Variants in NIPAL3 observed in about 807,000 individuals in gnomAD.
NIPAL3 encodes the protein NIPA like domain containing 3.
A neutral mutation model predicts 47.2 loss-of-function variants in NIPAL3; 41 were observed. That is an observed-to-expected ratio of 0.87 (90% CI 0.68 to 1.13). The LOEUF is 1.13. NIPAL3 is among the 50% of genes most tolerant of loss of function. The pLI is 0.00. For missense variants in NIPAL3, 449 were observed against 530.1 expected, an observed-to-expected ratio of 0.85 and a Z score of 1.50; for synonymous variants, 194 against 209.6, an observed-to-expected ratio of 0.93 and a Z score of 0.64.
chr1:24,472,542 G>C lies in NIPAL3; in HGVS notation c.*3357G>C, dbSNP rs1172887395. On this transcript the variant is annotated 3_prime_UTR_variant, in exon 12 of 12. Transcript: ENST00000374399. The stretch of plus-strand genomic sequence containing the variant: ...CTTTTGAGCAGCCCAGGTACCTAAA[G>C]CAAGGTCACCAAACTTGGGTTTAAA... 1 of 152,216 alleles carries C rather than the reference G, an allele frequency of 6.6e-6. No homozygotes were observed. The highest frequency in any genetic ancestry group is 2.4e-5 in the African/African-American group (1 of 41,450). 9.4% of individuals were successfully genotyped at this position (152,216 alleles called of 1,614,324 possible).
At position 24,469,425 on chromosome 1, in the gene NIPAL3, C is replaced by T; in HGVS notation, c.*240C>T. ...GGACGGGATAGAATCCAGCCTCTGC[C>T]TGGATTAGCCCAGGGGGATTTGGAA... On this transcript the variant is annotated 3_prime_UTR_variant, in exon 12 of 12. Coordinates refer to ENST00000374399, the MANE Select transcript of NIPAL3 (RefSeq NM_020448.5). The T allele has an allele frequency of 2.1e-6, 1 of 479,908 alleles. No individual in the cohort carries two copies. The highest frequency in any genetic ancestry group is 3.3e-5 in the East Asian group (1 of 29,902). 29.7% of individuals were successfully genotyped at this position (479,908 alleles called of 1,614,324 possible). A position where few individuals can be genotyped will look rare whatever the true frequency, so the allele number is the denominator to read the frequency against.
At chr1:24,463,864 T>C (rs1445769661) in intron 10 of NIPAL3, among the ~76,000 whole-genome samples, 162 bp from the exon 11 acceptor site, 1 of 152,004 alleles carries the variant, frequency 6.6e-6, no homozygotes, top group East Asian at 1.9e-4. Context: ...CCCCTGCTGA[T>C]CCCCTGAGAG....
intron 7 of NIPAL3, among the ~76,000 whole-genome samples, 172 bp downstream of exon 7, chr1:24,453,676 G>T (rs768713382): frequency 1.2e-4 from 18 of 152,054 alleles, no homozygotes; most frequent in Non-Finnish European, 2.4e-4. Flanking sequence ...CTGACCGGAG[G>T]CAAACTCCTG....
At chr1:24,459,682 C>A (rs900049107) in intron 9 of NIPAL3, among the ~76,000 whole-genome samples, 3 of 152,198 alleles carry the variant, frequency 2.0e-5, no homozygotes, top group Non-Finnish European at 1.5e-5. Flanking sequence ...GAGGAACACA[C>A]GAGGCGCACA....
At chr1:24,456,393 C>G (rs1354103837) in intron 8 of NIPAL3, 120 bp downstream of exon 8, 4 of 1,379,124 alleles carry the variant, frequency 2.9e-6, no homozygotes, top group African/African-American at 2.8e-5. Context: ...GGCCTGGCAT[C>G]CAGCATGGAG....
At chr1:24,417,102 A>G (rs1391799466) in intron 1 of NIPAL3, among the ~76,000 whole-genome samples, 6 of 152,188 alleles carry the variant, frequency 3.9e-5, no homozygotes, top group Admixed American at 2.0e-4. Flanking sequence ...TTAGAAAGGC[A>G]TTCTTGACTG....
Position 24,454,665 on chromosome 1 carries a change from T to C in NIPAL3, c.637+1161T>C, listed in dbSNP as rs1646112856. ...TGAAACCATCATCCTAATCTAATTT[T>C]AGAACATTTTGTCACCCCCAAAAGA... On this transcript the variant is annotated intron_variant, in intron 7 of 11. Coordinates refer to ENST00000374399, the MANE Select transcript of NIPAL3 (RefSeq NM_020448.5). The surrounding 1 kb of genome is among the most constrained non-coding windows in gnomAD (Gnocchi z 4.1). 1 of 647,218 alleles carries C rather than the reference T, an allele frequency of 1.5e-6. No individual in the cohort carries two copies. Among genetic ancestry groups the C allele is most frequent in the African/African-American group, 2.0e-5 (1 of 50,596 alleles). 40.1% of individuals were successfully genotyped at this position (647,218 alleles called of 1,614,324 possible). A position where few individuals can be genotyped will look rare whatever the true frequency, so the allele number is the denominator to read the frequency against.
intron 3 of NIPAL3, 89 bp downstream of exon 3, chr1:24,440,329 C>G (rs1285896272): frequency 1.2e-5 from 12 of 1,009,456 alleles, no homozygotes; most frequent in Non-Finnish European, 1.5e-5. Context: ...CTCCTCTCTG[C>G]AGGGCCTTGC....
At chr1:24,464,236 C>G in intron 11 of NIPAL3, 116 bp downstream of exon 11, 1 of 723,714 alleles carries the variant, frequency 1.4e-6, no homozygotes, top group Non-Finnish European at 2.1e-6. Context: ...ACTGTTCTCT[C>G]ACTGTCTTTT....
intron 2 of NIPAL3, among the ~76,000 whole-genome samples, chr1:24,438,472 C>A (rs996619427): frequency 3.3e-5 from 5 of 152,248 alleles, no homozygotes; most frequent in African/African-American, 1.2e-4. Context: ...CCTGCCCTCT[C>A]CCGTCCCTGG....
rs555091790 is a variant in NIPAL3, at chr1:24,417,400, G to A, written c.-258+1496G>A. Among the ~76,000 whole-genome samples, 4 of 152,266 alleles carry A rather than the reference G, an allele frequency of 2.6e-5. No individual in the cohort carries two copies. In the South Asian group the frequency reaches 8.3e-4, roughly 32 times the overall value. On this transcript the variant is annotated intron_variant, in intron 1 of 11. Coordinates refer to ENST00000374399, the MANE Select transcript of NIPAL3 (RefSeq NM_020448.5). ...GAAAGAACCCTGAGCCACTCTTAAG[G>A]CTCTTATGATTATTACAAATGCTAA...
intron 2 of NIPAL3, among the ~76,000 whole-genome samples, chr1:24,434,284 G>A (rs892413735): frequency 6.6e-5 from 10 of 152,088 alleles, no homozygotes; most frequent in Non-Finnish European, 1.2e-4. Context: ...CCAAAGGAGA[G>A]CTGGAGTAAC....
chr1:24,443,504 C>G (rs1349112760), intron 4 of NIPAL3, among the ~76,000 whole-genome samples: 1 of 152,194 alleles, frequency 6.6e-6, no homozygotes, highest in East Asian at 1.9e-4. Context: ...TCAAGGCAGA[C>G]ATCGTTAATC....
intron 3 of NIPAL3, among the ~76,000 whole-genome samples, chr1:24,441,630 C>T (rs542205247): frequency 7.6e-4 from 116 of 152,280 alleles, no homozygotes; most frequent in Middle Eastern, 3.4e-3. Flanking sequence ...GTCATCCAAA[C>T]GTGGGGAATC....
chr1:24,413,926 G>C (rs1456779837), upstream of NIPAL3: 3 of 152,250 alleles, frequency 2.0e-5, no homozygotes, highest in Non-Finnish European at 4.4e-5. Flanking sequence ...GAACTAATAA[G>C]AGGTTTATCT....
At chr1:24,463,879 G>A in intron 10 of NIPAL3, 147 bp from the exon 11 acceptor site, 1 of 557,350 alleles carries the variant, frequency 1.8e-6, no homozygotes, top group Admixed American at 3.3e-5. Flanking sequence ...TGAGAGGCTG[G>A]CAGCCTCTCA....
At chr1:24,430,665 G>A (rs1644837564) in intron 2 of NIPAL3, among the ~76,000 whole-genome samples, 1 of 152,184 alleles carries the variant, frequency 6.6e-6, no homozygotes, top group Admixed American at 6.5e-5. Context: ...TTTGTTCAAA[G>A]CAAAGTACTG....
In NIPAL3 at chr1:24,449,532, A is replaced by G; in HGVS notation, c.446A>G (p.Tyr149Cys). Residue 149 changes from tyrosine (Y) to cysteine (C), a missense_variant, in exon 6 of 12, where the codon TAC (tyrosine) becomes TGC (cysteine). Coordinates refer to ENST00000374399, the MANE Select transcript of NIPAL3 (RefSeq NM_020448.5). This position sits in a 1 kb window ranked among gnomAD's most constrained non-coding sequence, Gnocchi z 4.5. ...TGCGGTTTGGCTGTCGTGGGTACCT[A>G]CCTGCTGGTGACATTCGCACCCAAC... Reference protein sequence around the residue: ...VGCGLAVVGTYLLVTFAPNSH... With the variant: ...VGCGLAVVGTCLLVTFAPNSH... The G allele has an allele frequency of 6.2e-7, 1 of 1,614,048 alleles. No individual in the cohort carries two copies. Among genetic ancestry groups the G allele is most frequent in the East Asian group, 2.2e-5 (1 of 44,874 alleles).
At chr1:24,448,232 C>T (rs113909759) in intron 5 of NIPAL3, among the ~76,000 whole-genome samples, 11 of 152,318 alleles carry the variant, frequency 7.2e-5, no homozygotes, top group Non-Finnish European at 1.5e-4. Flanking sequence ...GTCCAGAGGC[C>T]TGTGGTCACC....
Sources: gnomAD v4.1 joint callset for allele counts (sites outside exome capture counted in the v4.1 genomes callset) on GRCh38, gnomAD v4.1.1 for gene constraint, Gnocchi (gnomAD v3.1) non-coding constraint, MANE v1.5 for transcripts, NCBI Gene and HGNC (gene_info 2026-07-23, HGNC 2026-07-21) for gene names.